COP1: variants seen among roughly 807,000 people sequenced by gnomAD.
COP1 encodes E3 ubiquitin-protein ligase COP1.
COP1 carries 24 observed loss-of-function variants against 101.3 expected under a neutral mutation model. The observed-to-expected ratio is 0.24, with a 90% CI of 0.17 to 0.33. The LOEUF (loss-of-function observed/expected upper bound fraction) is 0.33, where lower values mean the gene tolerates loss of function less well. COP1 is among the 10% of genes least tolerant of loss of function. COP1 has a pLI of 1.00. For synonymous variants in COP1, 347 were observed against 341.9 expected (o/e 1.01, Z -0.17); for missense variants, 663 against 906.2 (o/e 0.73, Z 3.45).
intron 8 of COP1, 66 bp from the exon 9 acceptor site, chr1:176,116,747 A>G (rs549554210): frequency 6.9e-4 from 807 of 1,163,684 alleles, no homozygotes; most frequent in Non-Finnish European, 8.8e-4. Flanking sequence ...GAAAAAGTAA[A>G]TCTAAAGTAT....
At chr1:176,194,594 C>G (rs1307684217) in intron 1 of COP1, among the ~76,000 whole-genome samples, 2 of 152,088 alleles carry the variant, frequency 1.3e-5, no homozygotes, top group African/African-American at 4.8e-5. Flanking sequence ...GCCAAGATAA[C>G]ACCACTGCAC....
At chr1:176,002,651 C>A (rs1375672780) in intron 15 of COP1, among the ~76,000 whole-genome samples, 47 of 146,456 alleles carry the variant, frequency 3.2e-4, no homozygotes, top group South Asian at 8.9e-4. Flanking sequence ...ATGATGATTT[C>A]CAATTTCATC....
chr1:176,092,322 A>T (rs139990310), intron 9 of COP1, among the ~76,000 whole-genome samples: 3 of 152,174 alleles, frequency 2.0e-5, no homozygotes, highest in African/African-American at 7.2e-5. Context: ...TATGTTTACA[A>T]TCTTGAGAAA....
rs942947093 is a variant in COP1, at chr1:176,150,849, C to T, written c.763-1775G>A. ...TCCAACTACATACACCAGGAATTCA[C>T]CACATGACACCTTCTTCTGCAGTTT... On this transcript the variant is annotated intron_variant, in intron 5 of 19. Coordinates refer to ENST00000367669, the MANE Select transcript of COP1 (RefSeq NM_022457.7). 7.9e-5 allele frequency among the ~76,000 whole-genome samples: 12 copies of T among 152,220 alleles called. No homozygotes were observed. In the South Asian group the frequency reaches 2.5e-3, roughly 32 times the overall value.
chr1:176,016,364 G>C (rs1045846134), intron 15 of COP1, among the ~76,000 whole-genome samples: 2 of 152,162 alleles, frequency 1.3e-5, no homozygotes, highest in Non-Finnish European at 2.9e-5. Context: ...ATCCAAGCGA[G>C]GAAAGTTTTT....
At chr1:175,992,624 C>T (rs1658875219) in intron 15 of COP1, among the ~76,000 whole-genome samples, 2 of 152,220 alleles carry the variant, frequency 1.3e-5, no homozygotes, top group African/African-American at 4.8e-5. Flanking sequence ...GGTCCTACGC[C>T]CACGGAGTCT....
chr1:176,019,500 A>C (rs1335484792), intron 15 of COP1, among the ~76,000 whole-genome samples: 4 of 139,444 alleles, frequency 2.9e-5, no homozygotes, highest in South Asian at 2.2e-4. Context: ...TAATAATAAT[A>C]ATAATAACCA....
At chr1:176,093,606 G>A (rs988921332) in intron 9 of COP1, among the ~76,000 whole-genome samples, 6 of 152,108 alleles carry the variant, frequency 3.9e-5, no homozygotes, top group Non-Finnish European at 5.9e-5. Context: ...TTGGGAGGCC[G>A]AGGTGGGCAG....
intron 1 of COP1, among the ~76,000 whole-genome samples, chr1:176,204,375 A>C (rs1700608517): frequency 6.6e-6 from 1 of 152,230 alleles, no homozygotes; most frequent in Admixed American, 6.5e-5. Flanking sequence ...GTTTAAATAT[A>C]AAAGCATAGA....
At chr1:176,043,346 A>C (rs7514933) in intron 13 of COP1, 79 bp from the exon 14 acceptor site, 1 of 829,318 alleles carries the variant, frequency 1.2e-6, no homozygotes. Flanking sequence ...AAAAAACCTG[A>C]TATCAATTTA....
intron 6 of COP1, among the ~76,000 whole-genome samples, chr1:176,140,335 A>G (rs1690473438): frequency 6.6e-6 from 1 of 152,248 alleles, no homozygotes; most frequent in Admixed American, 6.5e-5. Context: ...CCTGACAGAT[A>G]TACAGACAGA....
At chr1:176,069,174 G>T (rs1676536796) in intron 11 of COP1, among the ~76,000 whole-genome samples, 1 of 151,518 alleles carries the variant, frequency 6.6e-6, no homozygotes, top group Admixed American at 6.6e-5. Flanking sequence ...AACAGGGTGA[G>T]ACCTCATCTC....
chr1:176,083,380 T>G (rs1679543737), intron 10 of COP1, among the ~76,000 whole-genome samples: 1 of 152,178 alleles, frequency 6.6e-6, no homozygotes, highest in Non-Finnish European at 1.5e-5. Flanking sequence ...ATAAGCTCAT[T>G]AATAGCTACT....
rs563608578 is a variant in COP1, at chr1:176,031,608, C to G, written c.1613-3920G>C. ...CACTGTATTTATTTACATATGGCCT[C>G]CTTTGGCTCTCAGTAAATAATCAAA... On this transcript the variant is annotated intron_variant, in intron 14 of 19. Coordinates refer to ENST00000367669, the MANE Select transcript of COP1 (RefSeq NM_022457.7). Among the ~76,000 whole-genome samples, 3 of 152,218 alleles carry G rather than the reference C, an allele frequency of 2.0e-5. No individual in the cohort carries two copies. The South Asian group carries it at 6.2e-4, about 32-fold the overall frequency.
intron 18 of COP1, among the ~76,000 whole-genome samples, chr1:175,973,858 G>T (rs1320903166): frequency 6.6e-6 from 1 of 152,168 alleles, no homozygotes; most frequent in Non-Finnish European, 1.5e-5. Flanking sequence ...GGGTATTTGG[G>T]AACAGTGAGC....
chr1:175,970,046 T>G (rs1309379097), intron 18 of COP1, among the ~76,000 whole-genome samples: 1 of 152,164 alleles, frequency 6.6e-6, no homozygotes, highest in African/African-American at 2.4e-5. Flanking sequence ...AACTCCTCTT[T>G]CCTAGAAAAC....
intron 15 of COP1, among the ~76,000 whole-genome samples, chr1:176,025,548 C>T (rs1231505530): frequency 6.7e-6 from 1 of 149,436 alleles, no homozygotes; most frequent in Admixed American, 6.7e-5. Context: ...AAAAAATTGA[C>T]CAGAAAAGTC....
intron 18 of COP1, among the ~76,000 whole-genome samples, chr1:175,955,934 T>C (rs1650598776): frequency 6.6e-6 from 1 of 152,164 alleles, no homozygotes. Context: ...ACATTATCTA[T>C]AGGCTCAATG....
At chr1:176,079,135 A>C (rs572335408) in intron 11 of COP1, among the ~76,000 whole-genome samples, 1 of 152,228 alleles carries the variant, frequency 6.6e-6, no homozygotes, top group Admixed American at 6.5e-5. Flanking sequence ...TCCCATTAGT[A>C]GGTATACGCA....
Sources: gnomAD v4.1 joint callset for allele counts (sites outside exome capture counted in the v4.1 genomes callset) on GRCh38, gnomAD v4.1.1 for gene constraint, MANE v1.5 for transcripts, NCBI Gene and HGNC (gene_info 2026-07-23, HGNC 2026-07-21) for gene names.